IFRD1: variants seen among roughly 807,000 people sequenced by gnomAD.
IFRD1 encodes interferon-related developmental regulator 1.
Under a neutral mutation model 52.9 loss-of-function variants are expected in IFRD1, and 35 were observed. That is an observed-to-expected ratio of 0.66 (90% CI 0.51 to 0.88). IFRD1 has a LOEUF of 0.88. IFRD1 is among the 40% of genes least tolerant of loss of function. IFRD1 has a pLI of 0.00. For synonymous variants in IFRD1, 184 were observed against 188.4 expected, an observed-to-expected ratio of 0.98 and a Z score of 0.19; for missense variants, 517 against 550.8, an observed-to-expected ratio of 0.94 and a Z score of 0.61.
chr7:112,445,302 G>C (rs554279033), intron 1 of IFRD1, among the ~76,000 whole-genome samples: 1 of 152,006 alleles, frequency 6.6e-6, no homozygotes, highest in Non-Finnish European at 1.5e-5. Context: ...TCCTGACCTT[G>C]TGATCCGCCC....
At chr7:112,460,123 G>GT (rs149426275) in intron 5 of IFRD1, among the ~76,000 whole-genome samples, 24,856 of 151,014 alleles carry the variant, frequency 0.16, 2,198 homozygotes, top group South Asian at 0.31. Flanking sequence ...TTGTATGTAA[G>GT]TTTTTTTGTC....
At chr7:112,459,142 A>C in intron 5 of IFRD1, 124 bp downstream of exon 5, 1 of 810,010 alleles carries the variant, frequency 1.2e-6, no homozygotes. Flanking sequence ...TAAGTCCAGG[A>C]GTTTGAGGCA....
At chr7:112,429,544 G>A (rs1460474269) in intron 1 of IFRD1, among the ~76,000 whole-genome samples, 1 of 152,152 alleles carries the variant, frequency 6.6e-6, no homozygotes, top group Non-Finnish European at 1.5e-5. Context: ...ATTGCCACCT[G>A]ATAAATGGCT....
At chr7:112,463,267 C>T (rs1379265388) in intron 8 of IFRD1, among the ~76,000 whole-genome samples, 2 of 152,072 alleles carry the variant, frequency 1.3e-5, no homozygotes, top group Admixed American at 1.3e-4. Context: ...TATTGCCAAC[C>T]TTGAATTACT....
intron 9 of IFRD1, among the ~76,000 whole-genome samples, chr7:112,471,603 C>A (rs1187267454): frequency 6.6e-6 from 1 of 152,156 alleles, no homozygotes; most frequent in Admixed American, 6.5e-5. Flanking sequence ...CATCTGACTT[C>A]TGTTTCTGTG....
intron 1 of IFRD1, among the ~76,000 whole-genome samples, chr7:112,424,612 A>G (rs1025953163): frequency 3.3e-5 from 5 of 151,638 alleles, no homozygotes; most frequent in African/African-American, 1.2e-4. Flanking sequence ...TGGGGGTTTC[A>G]CCATGTTGGC....
chr7:112,453,401 G>T (rs1475074336), intron 1 of IFRD1, among the ~76,000 whole-genome samples: 1 of 152,118 alleles, frequency 6.6e-6, no homozygotes, highest in Non-Finnish European at 1.5e-5. Flanking sequence ...GGGTGAGTTT[G>T]ACCTAAATAT....
In IFRD1 at chr7:112,456,077, T is replaced by TG. The variant is rs1171832772; in HGVS notation, c.277dup (p.Asp93GlyfsTer2). 6.3e-7 allele frequency: 1 copy of TG among 1,592,596 alleles called. No homozygotes were observed. Among genetic ancestry groups the TG allele is most frequent in the South Asian group, 1.1e-5 (1 of 90,640 alleles). On this transcript the variant is annotated frameshift_variant, in exon 3 of 12. Coordinates refer to ENST00000403825, the MANE Select transcript of IFRD1 (RefSeq NM_001550.4). LOFTEE classifies it high-confidence loss of function. ...TTGAAGGGATTAATTGACCTAACCC[T>TG]GGATAAGAGGTAGGCAATACTGGAA...
intron 8 of IFRD1, among the ~76,000 whole-genome samples, chr7:112,464,646 A>G (rs1423741856): frequency 6.6e-6 from 1 of 152,244 alleles, no homozygotes; most frequent in East Asian, 1.9e-4. Flanking sequence ...ATTTGGCAGT[A>G]GTCTACTAGT....
intron 1 of IFRD1, among the ~76,000 whole-genome samples, chr7:112,433,572 C>T (rs555411257): frequency 6.6e-6 from 1 of 152,300 alleles, no homozygotes; most frequent in African/African-American, 2.4e-5. Flanking sequence ...AATCTTGTGG[C>T]TAATTTGTTA....
At chr7:112,471,685 C>A (rs1320171873) in intron 9 of IFRD1, among the ~76,000 whole-genome samples, 1 of 152,116 alleles carries the variant, frequency 6.6e-6, no homozygotes, top group Non-Finnish European at 1.5e-5. Context: ...TCACTAAAAT[C>A]TTAGATTCTA....
Position 112,467,992 on chromosome 7 carries a change from T to C in IFRD1, c.918T>C (p.Tyr306=). The C allele has an allele frequency of 6.2e-7, 1 of 1,614,044 alleles. No individual in the cohort carries two copies. Among genetic ancestry groups the C allele is most frequent in the Non-Finnish European group, 8.5e-7 (1 of 1,179,938 alleles). The change falls in exon 9 of 12, where the codon TAT becomes TAC. Residue 306 remains tyrosine (Y), a synonymous_variant. Coordinates refer to ENST00000403825, the MANE Select transcript of IFRD1 (RefSeq NM_001550.4). ...CTTTTCTTGTCCAGGACTTTTTTTA[T>C]GAAGACATGGAGTCCTTGACGCAGA... ...LARGIESDFF[Y]EDMESLTQML... is the part of the protein sequence containing the mutation.
chr7:112,427,973 C>T (rs950013345), intron 1 of IFRD1, among the ~76,000 whole-genome samples: 3 of 152,044 alleles, frequency 2.0e-5, no homozygotes, highest in African/African-American at 7.2e-5. Context: ...GAGGAGGGCA[C>T]CTCACCAGCT....
chr7:112,440,367 C>T, intron 1 of IFRD1, among the ~76,000 whole-genome samples: 1 of 152,154 alleles, frequency 6.6e-6, no homozygotes, highest in East Asian at 1.9e-4. Flanking sequence ...TTAGCAGTCT[C>T]AGCAGTTTGA....
chr7:112,431,095 A>G (rs76980278), intron 1 of IFRD1, among the ~76,000 whole-genome samples: 1,880 of 152,264 alleles, frequency 0.012, 43 homozygotes, highest in African/African-American at 0.043. Flanking sequence ...TGTTACTACC[A>G]GTATCCTGTG....
Position 112,477,096 on chromosome 7 carries a change from A to G in IFRD1, c.*1577A>G, listed in dbSNP as rs1293933032. 1 of 152,248 alleles carries G rather than the reference A, an allele frequency of 6.6e-6. No individual in the cohort carries two copies. The highest frequency in any genetic ancestry group is 1.5e-5 in the Non-Finnish European group (1 of 68,046). 9.4% of individuals were successfully genotyped at this position (152,248 alleles called of 1,614,324 possible). On this transcript the variant is annotated 3_prime_UTR_variant, in exon 12 of 12. Transcript: ENST00000403825. Reference sequence around the variant, plus strand: ...TGTTCCAAGTAGGTTAGAACCATGGAAAAGAGATTGCAAATGGTAGTTTCT... The same window carrying G: ...TGTTCCAAGTAGGTTAGAACCATGGGAAAGAGATTGCAAATGGTAGTTTCT...
At chr7:112,459,084 A>G in intron 5 of IFRD1, 66 bp downstream of exon 5, 1 of 491,830 alleles carries the variant, frequency 2.0e-6, no homozygotes, top group Non-Finnish European at 3.6e-6. Context: ...GTGCGCCTAT[A>G]GTACTGTACC....
intron 5 of IFRD1, among the ~76,000 whole-genome samples, chr7:112,459,755 C>T (rs1795385569): frequency 6.6e-6 from 1 of 152,192 alleles, no homozygotes; most frequent in Non-Finnish European, 1.5e-5. Flanking sequence ...GCTCTGCCCA[C>T]CTCTAGGTTC....
chr7:112,474,567 T>A (rs1239859792), intron 11 of IFRD1, among the ~76,000 whole-genome samples: 2 of 152,238 alleles, frequency 1.3e-5, no homozygotes, highest in Non-Finnish European at 2.9e-5. Context: ...CATACTTCTC[T>A]CTTTTGAATA....
Sources: allele counts gnomAD v4.1 joint callset (sites outside exome capture counted in the v4.1 genomes callset), GRCh38; gene constraint gnomAD v4.1.1; transcripts MANE v1.5; gene names NCBI Gene and HGNC (gene_info 2026-07-23, HGNC 2026-07-21).